Variants in THSD7B observed in about 807,000 individuals in gnomAD.
THSD7B encodes the protein thrombospondin type 1 domain containing 7B.
THSD7B carries 138 observed loss-of-function variants against 213.6 expected under a neutral mutation model. That is an observed-to-expected ratio of 0.65 (90% CI 0.56 to 0.74). The LOEUF is 0.74. Among genes scored for constraint, THSD7B ranks in the 30% least tolerant of loss-of-function variants. The pLI is 0.00. For synonymous variants in THSD7B, 742 were observed against 687.0 expected (o/e 1.08, Z -1.25); for missense variants, 1,931 against 1,991.5 (o/e 0.97, Z 0.58).
intron 17 of THSD7B, among the ~76,000 whole-genome samples, chr2:137,579,099 A>G (rs1320641716): frequency 6.6e-6 from 1 of 152,206 alleles, no homozygotes; most frequent in Non-Finnish European, 1.5e-5. Context: ...AACATATTCT[A>G]GAGGGTCTCA....
chr2:137,508,687 A>G (rs186492866), intron 15 of THSD7B, among the ~76,000 whole-genome samples: 44 of 151,832 alleles, frequency 2.9e-4, no homozygotes, highest in Admixed American at 2.6e-3. Context: ...ACAATTTTAA[A>G]CTAAATTAGT....
chr2:136,998,261 C>CAAAAAAAAAAAAAAAAAAAAAAAACA (rs33931359), intron 2 of THSD7B, among the ~76,000 whole-genome samples: 1 of 98,400 alleles, frequency 1.0e-5, no homozygotes, highest in Non-Finnish European at 2.1e-5. Context: ...ACTAAAAGGC[C>CAAAAAAAAAAAAAAAAAAAAAAAACA]AAAAAAAAAA....
At chr2:137,633,520 T>G (rs934662013) in intron 20 of THSD7B, among the ~76,000 whole-genome samples, 1 of 152,170 alleles carries the variant, frequency 6.6e-6, no homozygotes, top group Non-Finnish European at 1.5e-5. Flanking sequence ...AAGATATGGA[T>G]TAGATGAGAT....
intron 14 of THSD7B, among the ~76,000 whole-genome samples, chr2:137,437,306 C>T (rs910902917): frequency 6.6e-6 from 1 of 152,006 alleles, no homozygotes; most frequent in Non-Finnish European, 1.5e-5. Context: ...GTCTCCCACT[C>T]CCCCCATGCA....
intron 20 of THSD7B, among the ~76,000 whole-genome samples, chr2:137,625,050 C>T (rs548241135): frequency 6.6e-6 from 1 of 152,094 alleles, no homozygotes; most frequent in Admixed American, 6.5e-5. Flanking sequence ...GCACTATTCA[C>T]AATAGCAAAG....
At position 137,637,283 on chromosome 2, in the gene THSD7B, A is replaced by AT. The variant is rs547606949; in HGVS notation, c.3800-5197dup. On this transcript the variant is annotated intron_variant, in intron 20 of 27. Coordinates refer to ENST00000409968, the MANE Select transcript of THSD7B (RefSeq NM_001316349.2). ...TAACATCCACATTCCATGTTATTAG[A>AT]TTTTTTTTATTTGAGGGATACATTT... is the stretch of plus-strand genomic sequence containing the variant. 5.3e-5 allele frequency among the ~76,000 whole-genome samples: 8 copies of AT among 152,122 alleles called. No individual in the cohort carries two copies. In the East Asian group the frequency reaches 5.8e-4, roughly 11 times the overall value.
chr2:137,171,452 T>C (rs1680250049), intron 7 of THSD7B, among the ~76,000 whole-genome samples: 1 of 152,180 alleles, frequency 6.6e-6, no homozygotes, highest in African/African-American at 2.4e-5. Context: ...TGTTTTTAAA[T>C]ACAAGTTGTC....
chr2:136,893,355 G>A (rs1210148870), intron 2 of THSD7B, among the ~76,000 whole-genome samples: 3 of 152,206 alleles, frequency 2.0e-5, no homozygotes, highest in African/African-American at 7.2e-5. Flanking sequence ...GCCTCGTGGT[G>A]AAATTATTGG....
intron 22 of THSD7B, among the ~76,000 whole-genome samples, chr2:137,656,004 C>T (rs1168643834): frequency 6.6e-6 from 1 of 152,138 alleles, no homozygotes; most frequent in Non-Finnish European, 1.5e-5. Flanking sequence ...GCACCTAGCA[C>T]ATTGGACAGC....
At chr2:136,926,856 T>A (rs905803439) in intron 2 of THSD7B, among the ~76,000 whole-genome samples, 1 of 152,106 alleles carries the variant, frequency 6.6e-6, no homozygotes, top group Non-Finnish European at 1.5e-5. Context: ...CATCACTCAC[T>A]AAGTCCCTTT....
chr2:137,466,861 T>G (rs1688001389), intron 15 of THSD7B, among the ~76,000 whole-genome samples: 1 of 152,108 alleles, frequency 6.6e-6, no homozygotes, highest in African/African-American at 2.4e-5. Context: ...CAGAGCTTCT[T>G]TTCATCTCTG....
intron 1 of THSD7B, among the ~76,000 whole-genome samples, chr2:136,825,222 G>C (rs1365288097): frequency 6.6e-6 from 1 of 152,168 alleles, no homozygotes; most frequent in Admixed American, 6.5e-5. Context: ...GTCTTTTACT[G>C]CTGCTTTAAC....
chr2:137,668,764 T>C (rs1347712449), intron 27 of THSD7B, among the ~76,000 whole-genome samples: 1 of 152,164 alleles, frequency 6.6e-6, no homozygotes, highest in Admixed American at 6.5e-5. Context: ...ATTCTTACTA[T>C]AAAGTAAGCT....
At chr2:136,964,882 T>C (rs188790589) in intron 2 of THSD7B, among the ~76,000 whole-genome samples, 8 of 152,050 alleles carry the variant, frequency 5.3e-5, no homozygotes, top group Non-Finnish European at 8.8e-5. Context: ...ACGCCTGTAG[T>C]TCCAGCTACT....
At chr2:136,931,281 C>A (rs961964540) in intron 2 of THSD7B, among the ~76,000 whole-genome samples, 2 of 151,956 alleles carry the variant, frequency 1.3e-5, no homozygotes, top group African/African-American at 4.8e-5. Flanking sequence ...TTAGTACAGC[C>A]CTAGAATGCA....
chr2:137,567,115 G>C lies in THSD7B; in HGVS notation c.3272+3761G>C, dbSNP rs182829423. ...AACCTGAAGCTATGGAAGGTTTGAT[G>C]TGGGGGAGTGACATGCTCTATTTTA... On this transcript the variant is annotated intron_variant, in intron 16 of 27. Transcript: ENST00000409968. 4.2e-4 allele frequency among the ~76,000 whole-genome samples: 64 copies of C among 151,682 alleles called. No individual in the cohort carries two copies. The East Asian group carries it at 0.012, about 29-fold the overall frequency.
chr2:136,936,465 G>A (rs560570436), intron 2 of THSD7B, among the ~76,000 whole-genome samples: 30 of 152,224 alleles, frequency 2.0e-4, no homozygotes, highest in African/African-American at 7.0e-4. Flanking sequence ...TGTGGTATGT[G>A]TATATGATGG....
At chr2:137,273,496 A>G (rs1682797796) in intron 11 of THSD7B, among the ~76,000 whole-genome samples, 1 of 152,136 alleles carries the variant, frequency 6.6e-6, no homozygotes, top group Non-Finnish European at 1.5e-5. Flanking sequence ...CTTAAAAATA[A>G]TATAGGTTTT....
intron 1 of THSD7B, among the ~76,000 whole-genome samples, chr2:136,776,880 C>A (rs1248757487): frequency 1.3e-5 from 2 of 151,744 alleles, no homozygotes; most frequent in East Asian, 3.9e-4. Context: ...ACACATACAA[C>A]CAGAAAGAAA....
Sources: gnomAD v4.1 joint callset for allele counts (sites outside exome capture counted in the v4.1 genomes callset) on GRCh38, gnomAD v4.1.1 for gene constraint, MANE v1.5 for transcripts, NCBI Gene and HGNC (gene_info 2026-07-23, HGNC 2026-07-21) for gene names.